ANAPC1: variants seen among roughly 807,000 people sequenced by gnomAD.
ANAPC1 encodes the protein anaphase promoting complex subunit 1.
ANAPC1 carries 36 observed loss-of-function variants against 208.0 expected under a neutral mutation model. The ratio of observed to expected loss-of-function variants is 0.17; its 90% CI spans 0.13 to 0.23. The LOEUF (loss-of-function observed/expected upper bound fraction) is 0.23, where lower values mean the gene tolerates loss of function less well. Ranked by LOEUF, ANAPC1 falls within the 10% of genes least tolerant of loss-of-function variation. ANAPC1 has a pLI of 1.00. For synonymous variants in ANAPC1, 378 were observed against 695.2 expected (o/e 0.54, Z 7.18); for missense variants, 942 against 2,011.6 (o/e 0.47, Z 10.17).
chr2:111,828,832 T>G (rs187663147), intron 21 of ANAPC1, among the ~76,000 whole-genome samples: 1 of 152,124 alleles, frequency 6.6e-6, no homozygotes, highest in Non-Finnish European at 1.5e-5. Flanking sequence ...GAGTTTATGT[T>G]GGGGATGATG....
chr2:111,841,191 A>G (rs1316917126), intron 17 of ANAPC1, among the ~76,000 whole-genome samples: 1 of 151,978 alleles, frequency 6.6e-6, no homozygotes, highest in Non-Finnish European at 1.5e-5. Context: ...TCACTCAACA[A>G]ATGTTCACTG....
At chr2:111,832,136 T>C (rs912067092) in intron 20 of ANAPC1, among the ~76,000 whole-genome samples, 2 of 149,022 alleles carry the variant, frequency 1.3e-5, no homozygotes, top group Admixed American at 6.7e-5. Flanking sequence ...CTACTAAAAA[T>C]ACAAAAATTA....
At position 111,873,034 on chromosome 2, in the gene ANAPC1, G is replaced by T. The variant is rs543610957; in HGVS notation, c.528+274C>A. ...AAAAAAAGACTGGTGTTATTCATAT[G>T]CCTTATTTAATATAACCAAAAGTTC... On this transcript the variant is annotated intron_variant, in intron 5 of 47. Transcript: ENST00000341068. 1.5e-5 allele frequency: 7 copies of T among 458,094 alleles called. No individual in the cohort carries two copies. In the South Asian group the frequency reaches 2.4e-4, roughly 16 times the overall value. The allele number at this position is 458,094 out of a possible 1,614,324, so 28.4% of individuals were successfully genotyped here.
In ANAPC1 at chr2:111,847,727, G is replaced by A. The variant is rs1681170905; in HGVS notation, c.1789C>T (p.Leu597=). ...IRDPVHNRVT[L]ELSNGSMVRI... Reference sequence around the variant, plus strand: ...AGCTACCAAATGTTTATACTTACCAGGGTGACTCTGTTATGGACAGGATCT... The same window carrying A: ...AGCTACCAAATGTTTATACTTACCAAGGTGACTCTGTTATGGACAGGATCT... The change falls in exon 15 of 48, where the codon CTG becomes TTG. Residue 597 remains leucine (L), a splice_region_variant and synonymous_variant. Transcript: ENST00000341068. 2 of 1,523,202 alleles carry A rather than the reference G, an allele frequency of 1.3e-6. No individual in the cohort carries two copies. The highest frequency in any genetic ancestry group is 1.4e-5 in the African/African-American group (1 of 71,612). The allele number at this position is 1,523,202 out of a possible 1,614,324, so 94.4% of individuals were successfully genotyped here. A position where few individuals can be genotyped will look rare whatever the true frequency, so the allele number is the denominator to read the frequency against.
At chr2:111,825,727 A>G (rs756052297) in intron 22 of ANAPC1, 50 bp downstream of exon 22, 2 of 1,560,270 alleles carry the variant, frequency 1.3e-6, no homozygotes, top group African/African-American at 2.7e-5. Flanking sequence ...CAATTCTGAT[A>G]CTGACATTTA....
rs369036574 is a variant in ANAPC1 at position 111,843,820 on chromosome 2, C to CTTTTTTTTTT, written c.1853-231_1853-222dup. On this transcript the variant is annotated intron_variant, in intron 16 of 47. Transcript: ENST00000341068. ...AGGCTTGAAAGGGGTCTGAAGACAG[C>CTTTTTTTTTT]TTTTTTTTTTTTTTTTTTTTTTGAG... Among the ~76,000 whole-genome samples, 50 of 86,818 alleles carry CTTTTTTTTTT rather than the reference C, an allele frequency of 5.8e-4. 4 individuals are homozygous for CTTTTTTTTTT. Among genetic ancestry groups the CTTTTTTTTTT allele is most frequent in the South Asian group, 1.0e-3 (2 of 1,918 alleles). The allele number at this position is 86,818 out of a possible 152,430, so 57.0% of individuals were successfully genotyped here.
intron 34 of ANAPC1, among the ~76,000 whole-genome samples, chr2:111,797,948 C>A (rs1336642101): frequency 8.2e-6 from 1 of 122,098 alleles, no homozygotes; most frequent in African/African-American, 3.5e-5. Flanking sequence ...TTCCTTTCTG[C>A]GGTTTCTGCT....
intron 21 of ANAPC1, among the ~76,000 whole-genome samples, chr2:111,830,579 A>G (rs1680077065): frequency 6.6e-6 from 1 of 152,170 alleles, no homozygotes; most frequent in Admixed American, 6.5e-5. Flanking sequence ...AGACAAGACA[A>G]GGTAGAAACC....
chr2:111,865,082 T>C, intron 7 of ANAPC1, 131 bp from the exon 8 acceptor site: 2 of 676,614 alleles, frequency 3.0e-6, no homozygotes, highest in South Asian at 5.3e-5. Flanking sequence ...TTTATTACTA[T>C]CTTAAATAAT....
rs373102093 is a variant in ANAPC1 at position 111,862,358 on chromosome 2, T to C, written c.1262+31A>G. On this transcript the variant is annotated intron_variant, in intron 10 of 47. Transcript: ENST00000341068. ...TTTCCCAAGACTTTCAGCAACATTT[T>C]TCTTTGAATATAATAATATATATAA... is the stretch of plus-strand genomic sequence containing the variant. 2.6e-5 allele frequency: 38 copies of C among 1,434,496 alleles called. No homozygotes were observed. In the East Asian group the frequency reaches 2.8e-4, roughly 11 times the overall value. The allele number at this position is 1,434,496 out of a possible 1,614,324, so 88.9% of individuals were successfully genotyped here.
rs1680879319 is a variant in ANAPC1, at chr2:111,843,460, G to C, written c.1992C>G (p.Leu664=). The change falls in exon 17 of 48, where the codon CTC becomes CTG. Residue 664 remains leucine (L), a synonymous_variant. Coordinates refer to ENST00000341068, the MANE Select transcript of ANAPC1 (RefSeq NM_022662.4). ...CTGTGTTATAACCCATCATGTTCAT[G>C]AGACAAGTCACAAATAAATTCCACT... is the stretch of plus-strand genomic sequence containing the variant. ...HSEWNLFVTC[L]MNMMGYNTDR... is the part of the protein sequence containing the mutation. 4 of 1,611,838 alleles carry C rather than the reference G, an allele frequency of 2.5e-6. No individual in the cohort carries two copies. The highest frequency in any genetic ancestry group is 1.7e-6 in the Non-Finnish European group (2 of 1,179,848).
rs560606608 is a variant in ANAPC1, at chr2:111,810,428, C to G, written c.3598-1247G>C. ...TACAACTCTGTGAATACACTAAAAA[C>G]CACTGTACCACATACTTTAAACAGT... On this transcript the variant is annotated intron_variant, in intron 28 of 47. Transcript: ENST00000341068. 1.2e-4 allele frequency among the ~76,000 whole-genome samples: 18 copies of G among 152,166 alleles called. No homozygotes were observed. The South Asian group carries it at 3.5e-3, about 30-fold the overall frequency.
intron 16 of ANAPC1, among the ~76,000 whole-genome samples, chr2:111,845,703 G>A (rs541239377): frequency 7.2e-5 from 11 of 152,200 alleles, no homozygotes; most frequent in East Asian, 1.9e-4. Flanking sequence ...AGCCGGGCGC[G>A]GTGGCTCACG....
intron 16 of ANAPC1, among the ~76,000 whole-genome samples, chr2:111,844,285 T>C (rs1680930860): frequency 6.6e-6 from 1 of 151,984 alleles, no homozygotes; most frequent in Non-Finnish European, 1.5e-5. Context: ...AAAGTCACTA[T>C]GGGCCAGGCA....
intron 13 of ANAPC1, among the ~76,000 whole-genome samples, chr2:111,852,763 C>T (rs1279623260): frequency 6.6e-6 from 1 of 151,616 alleles, no homozygotes; most frequent in Non-Finnish European, 1.5e-5. Context: ...AAACAGAAGA[C>T]AAATATGTAA....
rs986312191 is a variant in ANAPC1 at position 111,852,413 on chromosome 2, G to C, written c.1516-1503C>G. On this transcript the variant is annotated intron_variant, in intron 13 of 47. Transcript: ENST00000341068. ...CTTACTCTTTCCAGCCAAAGTGTTG[G>C]GAAAAGAATGACTGACCAGGACAGA... Among the ~76,000 whole-genome samples, 36 of 152,148 alleles carry C rather than the reference G, an allele frequency of 2.4e-4. 1 individual carries two copies. The highest frequency in any genetic ancestry group is 8.4e-4 in the African/African-American group (35 of 41,514).
intron 47 of ANAPC1, 83 bp downstream of exon 47, chr2:111,772,258 T>C: frequency 6.2e-7 from 1 of 1,602,398 alleles, no homozygotes; most frequent in African/African-American, 1.3e-5. Flanking sequence ...AAAGTCAAAC[T>C]AGGGGCAGTA....
At chr2:111,858,665 G>A (rs540964452) in intron 10 of ANAPC1, among the ~76,000 whole-genome samples, 7 of 152,016 alleles carry the variant, frequency 4.6e-5, no homozygotes, top group African/African-American at 1.7e-4. Flanking sequence ...TGGAGGCTGA[G>A]GCGGGAGAAT....
At chr2:111,826,436 T>C (rs1317098434) in intron 21 of ANAPC1, among the ~76,000 whole-genome samples, 2 of 152,240 alleles carry the variant, frequency 1.3e-5, no homozygotes, top group Non-Finnish European at 2.9e-5. Flanking sequence ...TACAATATCA[T>C]GTAAATCAAT....
Sources: allele counts gnomAD v4.1 joint callset (sites outside exome capture counted in the v4.1 genomes callset), GRCh38; gene constraint gnomAD v4.1.1; transcripts MANE v1.5; gene names NCBI Gene and HGNC (gene_info 2026-07-23, HGNC 2026-07-21).